Variants in SIGLECL1 observed in about 807,000 individuals in gnomAD.
SIGLECL1 encodes the protein SIGLEC family-like protein 1.
In SIGLECL1, 16 loss-of-function variants were observed where a neutral mutation model predicts 19.1. The ratio of observed to expected loss-of-function variants is 0.84; its 90% CI spans 0.57 to 1.27. SIGLECL1 has a LOEUF of 1.27. Ranked by LOEUF, SIGLECL1 falls within the 50% of genes most tolerant of loss-of-function variation. The probability of loss-of-function intolerance (pLI) is 0.00; values close to 1 mark genes in which losing one functional copy is unlikely to be tolerated. For synonymous variants in SIGLECL1, 89 were observed against 90.4 expected, an observed-to-expected ratio of 0.98 and a Z score of 0.09; for missense variants, 210 against 239.4, an observed-to-expected ratio of 0.88 and a Z score of 0.81.
Position 51,265,852 on chromosome 19 carries a change from C to T in SIGLECL1, c.380C>T (p.Ala127Val), listed in dbSNP as rs149546733. Residue 127 changes from alanine (A) to valine (V), a missense_variant, in exon 4 of 6, where the codon GCG (alanine) becomes GTG (valine). Ala to Val is a moderately conservative substitution (Grantham distance 64). Coordinates refer to ENST00000601727, the MANE Select transcript of SIGLECL1 (RefSeq NM_001385465.1). ...GCTATCTATGCGGGAATTGTAATTG[C>T]GCTGCTCTTCCTCTGCCTCCTCCCT... ...QGAIYAGIVI[A>V]LLFLCLLPLI... 212 of 1,614,026 alleles carry T rather than the reference C, an allele frequency of 1.3e-4. No individual in the cohort carries two copies. The Middle Eastern group carries it at 1.5e-3, about 11-fold the overall frequency.
At chr19:51,251,590 T>C (rs1490814511) in intron 1 of SIGLECL1, 45 bp downstream of exon 1, 1 of 151,052 alleles carries the variant, frequency 6.6e-6, no homozygotes, top group Non-Finnish European at 1.5e-5. Flanking sequence ...AGTGCCCTTA[T>C]GAGTCAACGG....
intron 1 of SIGLECL1, among the ~76,000 whole-genome samples, chr19:51,259,599 T>A (rs1313673852): frequency 6.6e-6 from 1 of 152,206 alleles, no homozygotes; most frequent in Non-Finnish European, 1.5e-5. Flanking sequence ...GAGAGACAAC[T>A]AGCTGCCTAT....
At position 51,265,802 on chromosome 19, in the gene SIGLECL1, C is replaced by T; in HGVS notation, c.330C>T (p.Ala110=). 1.2e-5 allele frequency: 20 copies of T among 1,614,192 alleles called. No homozygotes were observed. Among genetic ancestry groups the T allele is most frequent in the Non-Finnish European group, 1.7e-5 (20 of 1,180,038 alleles). The change falls in exon 4 of 6, where the codon GCC becomes GCT. Residue 110 remains alanine (A), a synonymous_variant. Coordinates refer to ENST00000601727, the MANE Select transcript of SIGLECL1 (RefSeq NM_001385465.1). ...GAAAGAGTTCTTTGGCTGCCCAGGC[C>T]TTCGTGAAAGGGCTGATCCAGGGTG... ...MSRKSSLAAQ[A]FVKGLIQGAI...
intron 1 of SIGLECL1, among the ~76,000 whole-genome samples, chr19:51,253,102 C>G (rs971018463): frequency 8.9e-6 from 1 of 112,354 alleles, no homozygotes; most frequent in African/African-American, 3.8e-5. Flanking sequence ...ACTCCAGACC[C>G]TGTGTTAAAA....
rs921009344 is a variant in SIGLECL1 at position 51,251,471 on chromosome 19, C to A, written c.-265C>A. The A allele has an allele frequency of 6.5e-6, 1 of 153,302 alleles. No individual in the cohort carries two copies. Among genetic ancestry groups the A allele is most frequent in the African/African-American group, 2.4e-5 (1 of 41,454 alleles). 9.5% of individuals were successfully genotyped at this position (153,302 alleles called of 1,614,324 possible). On this transcript the variant is annotated 5_prime_UTR_variant, in exon 1 of 6. Transcript: ENST00000601727. ...AGTCAGGGAGTTCGCCAGGAGCCAGCGTTCCTCAGCCTCCACCACGTCAGT... is the reference window on the plus strand; with the variant it reads ...AGTCAGGGAGTTCGCCAGGAGCCAGAGTTCCTCAGCCTCCACCACGTCAGT...
chr19:51,246,881 T>C (rs1219955222), upstream of SIGLECL1, among the ~76,000 whole-genome samples: 1 of 152,152 alleles, frequency 6.6e-6, no homozygotes, highest in Non-Finnish European at 1.5e-5. Flanking sequence ...TTAGTTTAAA[T>C]AAATTTACTG....
At chr19:51,256,396 G>T (rs188369080) in intron 1 of SIGLECL1, among the ~76,000 whole-genome samples, 2 of 152,322 alleles carry the variant, frequency 1.3e-5, no homozygotes, top group Non-Finnish European at 2.9e-5. Context: ...AAGACATTAT[G>T]CTATGTGAAA....
intron 1 of SIGLECL1, among the ~76,000 whole-genome samples, chr19:51,252,467 A>G (rs1276515601): frequency 1.3e-5 from 2 of 152,200 alleles, no homozygotes; most frequent in Admixed American, 6.5e-5. Flanking sequence ...ACATGAGGAA[A>G]TAAGAAGAGG....
intron 1 of SIGLECL1, among the ~76,000 whole-genome samples, chr19:51,255,472 A>C (rs1982745018): frequency 6.6e-6 from 1 of 152,210 alleles, no homozygotes; most frequent in African/African-American, 2.4e-5. Flanking sequence ...CTGAACAGCA[A>C]AGGAAACAAT....
intron 4 of SIGLECL1, 136 bp from the exon 5 acceptor site, chr19:51,267,237 T>C (rs1168912910): frequency 4.0e-6 from 4 of 1,005,294 alleles, no homozygotes; most frequent in Non-Finnish European, 5.8e-6. Flanking sequence ...AGAGAGGATG[T>C]GTGGCTTGCC....
upstream of SIGLECL1, among the ~76,000 whole-genome samples, chr19:51,250,246 C>T (rs541952900): frequency 6.6e-6 from 1 of 152,268 alleles, no homozygotes; most frequent in South Asian, 2.1e-4. Flanking sequence ...GCCACCACGC[C>T]CAGCTAATTT....
chr19:51,260,363 T>C (rs1983123260), intron 1 of SIGLECL1, among the ~76,000 whole-genome samples: 1 of 152,252 alleles, frequency 6.6e-6, no homozygotes, highest in African/African-American at 2.4e-5. Context: ...ATTACTTATT[T>C]GTGTCTGGCT....
chr19:51,256,814 A>G (rs1308993908), intron 1 of SIGLECL1, among the ~76,000 whole-genome samples: 1 of 152,178 alleles, frequency 6.6e-6, no homozygotes, highest in Non-Finnish European at 1.5e-5. Flanking sequence ...ATACCTCAAT[A>G]AACCTGGAAT....
At chr19:51,258,861 C>T (rs865922150) in intron 1 of SIGLECL1, among the ~76,000 whole-genome samples, 1 of 152,184 alleles carries the variant, frequency 6.6e-6, no homozygotes, top group Non-Finnish European at 1.5e-5. Context: ...AGAACCTAGA[C>T]TTGCCCTCCA....
chr19:51,268,443 G>C, intron 5 of SIGLECL1, 128 bp from the exon 6 acceptor site: 2 of 964,868 alleles, frequency 2.1e-6, no homozygotes, highest in East Asian at 2.4e-5. Context: ...GAAGGGCTAA[G>C]CCAGTGCTCA....
chr19:51,256,608 A>G (rs970926266), intron 1 of SIGLECL1, among the ~76,000 whole-genome samples: 10 of 152,208 alleles, frequency 6.6e-5, no homozygotes, highest in African/African-American at 9.6e-5. Flanking sequence ...CATGGTGACT[A>G]TGGTAAATAA....
chr19:51,261,516 C>T (rs886709827), intron 1 of SIGLECL1, among the ~76,000 whole-genome samples: 4 of 152,152 alleles, frequency 2.6e-5, no homozygotes, highest in African/African-American at 4.8e-5. Context: ...TCTGGATCTC[C>T]TGACCTCGTG....
intron 1 of SIGLECL1, 57 bp from the exon 2 acceptor site, chr19:51,263,826 C>T: frequency 2.4e-6 from 1 of 416,118 alleles, no homozygotes. Context: ...TCTTAGTTGC[C>T]TCCCTGTCCG....
At chr19:51,263,073 A>G (rs1258114324) in intron 1 of SIGLECL1, among the ~76,000 whole-genome samples, 2 of 152,036 alleles carry the variant, frequency 1.3e-5, no homozygotes, top group East Asian at 3.9e-4. Flanking sequence ...TAATTTTTGT[A>G]TTTTTTGTAG....
Sources: gnomAD v4.1 joint callset for allele counts (sites outside exome capture counted in the v4.1 genomes callset) on GRCh38, gnomAD v4.1.1 for gene constraint, MANE v1.5 for transcripts, NCBI Gene and HGNC (gene_info 2026-07-23, HGNC 2026-07-21) for gene names.